CNGB3: variants seen among roughly 807,000 people sequenced by gnomAD.
CNGB3 encodes cyclic nucleotide gated channel subunit beta 3, also known as cyclic nucleotide-gated channel beta-3.
Under a neutral mutation model 92.8 loss-of-function variants are expected in CNGB3, and 86 were observed. The observed-to-expected ratio is 0.93, with a 90% CI of 0.78 to 1.11. CNGB3 has a LOEUF of 1.11. Ranked by LOEUF, CNGB3 falls within the 50% of genes least tolerant of loss-of-function variation. The pLI is 0.00. For missense variants in CNGB3, 1,026 were observed against 956.8 expected (o/e 1.07, Z -0.95); for synonymous variants, 333 against 332.7 (o/e 1.00, Z -0.01).
chr8:86,584,902 G>A (rs1821862984), intron 15 of CNGB3, among the ~76,000 whole-genome samples: 1 of 152,028 alleles, frequency 6.6e-6, no homozygotes, highest in Non-Finnish European at 1.5e-5. Context: ...CAGTGAAGTG[G>A]GTAAAAAGGA....
chr8:86,671,204 C>G lies in CNGB3; in HGVS notation c.339-106G>C, dbSNP rs1288620856. 5 of 1,313,530 alleles carry G rather than the reference C, an allele frequency of 3.8e-6. No homozygotes were observed. In the Admixed American group the frequency reaches 6.8e-5, roughly 18 times the overall value. The allele number at this position is 1,313,530 out of a possible 1,614,324, so 81.4% of individuals were successfully genotyped here. Reference sequence around the variant, plus strand: ...CTTATATATTCAAGATTATTAACTTCCCCTTTTTTGCAATTGAATAGCACA... The same window carrying G: ...CTTATATATTCAAGATTATTAACTTGCCCTTTTTTGCAATTGAATAGCACA... On this transcript the variant is annotated intron_variant, in intron 3 of 17. Coordinates refer to ENST00000320005, the MANE Select transcript of CNGB3 (RefSeq NM_019098.5).
At chr8:86,641,117 T>C (rs1159886380) in intron 10 of CNGB3, among the ~76,000 whole-genome samples, 1 of 151,968 alleles carries the variant, frequency 6.6e-6, no homozygotes, top group African/African-American at 2.4e-5. Context: ...CATTATACGC[T>C]AATTATAATT....
chr8:86,701,639 TC>T (rs1486047704), intron 3 of CNGB3, among the ~76,000 whole-genome samples: 1 of 152,210 alleles, frequency 6.6e-6, no homozygotes, highest in Non-Finnish European at 1.5e-5. Context: ...TAAAATTCTT[TC>T]CCAGTGAAAG....
intron 14 of CNGB3, among the ~76,000 whole-genome samples, chr8:86,606,535 A>G (rs907843785): frequency 2.0e-5 from 3 of 152,220 alleles, no homozygotes; most frequent in Non-Finnish European, 4.4e-5. Context: ...ATTTATTTAC[A>G]TACTATTAAT....
intron 6 of CNGB3, among the ~76,000 whole-genome samples, chr8:86,655,417 C>T (rs1167355004): frequency 6.6e-6 from 1 of 152,202 alleles, no homozygotes; most frequent in Admixed American, 6.5e-5. Context: ...AGAAACAGAA[C>T]CCACTCTGTT....
intron 3 of CNGB3, among the ~76,000 whole-genome samples, chr8:86,713,677 T>C (rs1824792613): frequency 6.6e-6 from 1 of 152,192 alleles, no homozygotes; most frequent in South Asian, 2.1e-4. Context: ...CTTACAATAT[T>C]AAAACTATAT....
chr8:86,650,070 A>G (rs1481497052), intron 7 of CNGB3, among the ~76,000 whole-genome samples: 1 of 151,560 alleles, frequency 6.6e-6, no homozygotes, highest in Non-Finnish European at 1.5e-5. Context: ...ATTGCATCAT[A>G]TCATCAAACC....
At chr8:86,657,987 G>A (rs1397836338) in intron 6 of CNGB3, 1 of 547,362 alleles carries the variant, frequency 1.8e-6, no homozygotes, top group Non-Finnish European at 3.6e-6. Context: ...GCTGGATGCA[G>A]CGACGTTCCA....
At chr8:86,668,417 A>C (rs1823789585) in intron 4 of CNGB3, among the ~76,000 whole-genome samples, 1 of 152,164 alleles carries the variant, frequency 6.6e-6, no homozygotes, top group African/African-American at 2.4e-5. Context: ...GCAAACCACC[A>C]TAGCCCATGT....
At chr8:86,589,442 T>G (rs1821974157) in intron 15 of CNGB3, among the ~76,000 whole-genome samples, 3 of 151,448 alleles carry the variant, frequency 2.0e-5, no homozygotes, top group Non-Finnish European at 2.9e-5. Flanking sequence ...GGGTGTCAAT[T>G]TTGGATCTTT....
intron 15 of CNGB3, among the ~76,000 whole-genome samples, chr8:86,582,348 T>G (rs1821804208): frequency 6.6e-6 from 1 of 150,594 alleles, no homozygotes; most frequent in Non-Finnish European, 1.5e-5. Flanking sequence ...GAGCCAAGAT[T>G]GCACCACTGC....
intron 2 of CNGB3, among the ~76,000 whole-genome samples, chr8:86,728,582 C>A (rs558385766): frequency 6.6e-6 from 1 of 152,252 alleles, no homozygotes; most frequent in South Asian, 2.1e-4. Context: ...AACACTTGGA[C>A]AATTACTGTA....
intron 6 of CNGB3, among the ~76,000 whole-genome samples, chr8:86,656,293 C>T (rs1823504388): frequency 6.6e-6 from 1 of 152,172 alleles, no homozygotes; most frequent in Non-Finnish European, 1.5e-5. Flanking sequence ...AGTTAAAATA[C>T]TACCTCCACC....
chr8:86,702,683 T>G (rs1824576758), intron 3 of CNGB3, among the ~76,000 whole-genome samples: 1 of 152,186 alleles, frequency 6.6e-6, no homozygotes, highest in Admixed American at 6.5e-5. Context: ...GCATGTAATT[T>G]TAGTGAGCAT....
intron 7 of CNGB3, among the ~76,000 whole-genome samples, chr8:86,653,044 T>C (rs1356474084): frequency 6.6e-6 from 1 of 152,082 alleles, no homozygotes; most frequent in Non-Finnish European, 1.5e-5. Context: ...ATGATGGCTG[T>C]GATGTCACTA....
intron 3 of CNGB3, among the ~76,000 whole-genome samples, chr8:86,721,728 TA>T (rs931434704): frequency 1.3e-5 from 2 of 152,030 alleles, no homozygotes; most frequent in South Asian, 4.1e-4. Flanking sequence ...TTCCCTTTTT[TA>T]AAAAAAATGC....
At chr8:86,617,731 G>C (rs914734245) in intron 13 of CNGB3, among the ~76,000 whole-genome samples, 2 of 152,114 alleles carry the variant, frequency 1.3e-5, no homozygotes, top group Non-Finnish European at 2.9e-5. Flanking sequence ...CTAGGAGTTT[G>C]GGTCAAAGTG....
At chr8:86,692,035 C>T (rs373498262) in intron 3 of CNGB3, among the ~76,000 whole-genome samples, 17 of 152,166 alleles carry the variant, frequency 1.1e-4, no homozygotes, top group African/African-American at 2.9e-4. Flanking sequence ...TGCATGGCTT[C>T]GAGGGTTCCT....
At chr8:86,691,739 C>G (rs992395857) in intron 3 of CNGB3, among the ~76,000 whole-genome samples, 10 of 151,940 alleles carry the variant, frequency 6.6e-5, no homozygotes, top group Admixed American at 3.9e-4. Flanking sequence ...TCTGCTCTGA[C>G]TTTGGTTATT....
Sources: gnomAD v4.1 joint callset for allele counts (sites outside exome capture counted in the v4.1 genomes callset) on GRCh38, gnomAD v4.1.1 for gene constraint, MANE v1.5 for transcripts, NCBI Gene and HGNC (gene_info 2026-07-23, HGNC 2026-07-21) for gene names.